Variants in NFATC3 observed in about 807,000 individuals in gnomAD.
NFATC3 encodes the protein nuclear factor of activated T cells 3, also known as nuclear factor of activated T-cells, cytoplasmic 3.
Under a neutral mutation model 98.6 loss-of-function variants are expected in NFATC3, and 46 were observed. The ratio of observed to expected loss-of-function variants is 0.47; its 90% confidence interval spans 0.37 to 0.60. NFATC3 has a LOEUF of 0.60. Among genes scored for constraint, NFATC3 ranks in the 20% least tolerant of loss-of-function variants. The pLI is 0.00. For missense variants in NFATC3, 1,256 were observed against 1,295.5 expected (o/e 0.97, Z 0.47); for synonymous variants, 512 against 472.2 (o/e 1.08, Z -1.09).
chr16:68,085,451 G>A lies in NFATC3; in HGVS notation c.-231G>A, dbSNP rs998001098. On this transcript the variant is annotated 5_prime_UTR_variant, in exon 1 of 10. Transcript: ENST00000346183. ...GAACATTGGCTAAGCCGACAGTGGA[G>A]GCTTAGGCACCGGTGGCGGGCGGCT... The A allele has an allele frequency of 1.4e-5, 6 of 424,476 alleles. No individual in the cohort carries two copies. The highest frequency in any genetic ancestry group is 4.2e-6 in the Non-Finnish European group (1 of 237,698). 26.3% of individuals were successfully genotyped at this position (424,476 alleles called of 1,614,324 possible). A position where few individuals can be genotyped will look rare whatever the true frequency, so the allele number is the denominator to read the frequency against.
At chr16:68,142,655 G>C (rs1044197632) in intron 3 of NFATC3, among the ~76,000 whole-genome samples, 2 of 152,010 alleles carry the variant, frequency 1.3e-5, no homozygotes, top group African/African-American at 4.8e-5. Context: ...CTACTTGGGA[G>C]GCTGAGGCAT....
At chr16:68,088,904 T>C (rs1366740984) in intron 1 of NFATC3, 2 of 861,434 alleles carry the variant, frequency 2.3e-6, no homozygotes, top group African/African-American at 3.7e-5. Context: ...ACTCCTGGGC[T>C]CTCCTGTTCT....
intron 3 of NFATC3, among the ~76,000 whole-genome samples, chr16:68,132,841 G>A (rs148386815): frequency 9.2e-5 from 14 of 152,254 alleles, no homozygotes; most frequent in South Asian, 8.3e-4. Flanking sequence ...TAGAATTTTC[G>A]TTATCAGAGG....
chr16:68,174,353 CT>C lies in NFATC3; in HGVS notation c.1775-18del, dbSNP rs753872217. The stretch of plus-strand genomic sequence containing the variant: ...ACTAATATTTTGTTTTTTCTCAACT[CT>C]TTAAAAAAATTTAAAACAGCCCAGC... On this transcript the variant is annotated intron_variant, in intron 5 of 9. Coordinates refer to ENST00000346183, the MANE Select transcript of NFATC3 (RefSeq NM_173165.3). The C allele has an allele frequency of 2.9e-6, 4 of 1,376,044 alleles. No individual in the cohort carries two copies. The highest frequency in any genetic ancestry group is 3.8e-6 in the Non-Finnish European group (4 of 1,054,780). 85.2% of individuals were successfully genotyped at this position (1,376,044 alleles called of 1,614,324 possible). A position where few individuals can be genotyped will look rare whatever the true frequency, so the allele number is the denominator to read the frequency against.
intron 1 of NFATC3, among the ~76,000 whole-genome samples, chr16:68,117,876 T>G (rs1051712821): frequency 6.6e-6 from 1 of 152,198 alleles, no homozygotes; most frequent in Non-Finnish European, 1.5e-5. Context: ...ACTTACTTGG[T>G]AGGTACTGGA....
intron 3 of NFATC3, among the ~76,000 whole-genome samples, chr16:68,155,349 A>G (rs1036804688): frequency 2.6e-5 from 4 of 152,218 alleles, no homozygotes; most frequent in Non-Finnish European, 4.4e-5. Context: ...GTCATTTACA[A>G]AGACTGAAGT....
At chr16:68,144,404 C>T (rs2037923756) in intron 3 of NFATC3, among the ~76,000 whole-genome samples, 1 of 152,056 alleles carries the variant, frequency 6.6e-6, no homozygotes, top group Non-Finnish European at 1.5e-5. Context: ...CCCTTATGCC[C>T]CACCAATCTC....
intron 1 of NFATC3, among the ~76,000 whole-genome samples, chr16:68,096,113 A>G (rs1171547368): frequency 6.6e-6 from 1 of 152,138 alleles, no homozygotes; most frequent in African/African-American, 2.4e-5. Flanking sequence ...GGTGCTTGCC[A>G]CCATGCCCAG....
chr16:68,127,523 C>CA (rs918496294), intron 3 of NFATC3, among the ~76,000 whole-genome samples: 2 of 151,536 alleles, frequency 1.3e-5, no homozygotes, highest in African/African-American at 4.9e-5. Flanking sequence ...CAAGCCTCTA[C>CA]AAAAAAATAC....
chr16:68,126,212 T>G (rs2036829852), intron 2 of NFATC3, among the ~76,000 whole-genome samples: 1 of 152,240 alleles, frequency 6.6e-6, no homozygotes. Context: ...AATTTATTTA[T>G]CTTTAAGCAT....
intron 4 of NFATC3, among the ~76,000 whole-genome samples, chr16:68,160,085 A>G (rs1171951339): frequency 6.6e-6 from 1 of 152,106 alleles, no homozygotes; most frequent in Non-Finnish European, 1.5e-5. Context: ...AGAAACCCCA[A>G]AAAATCAGAT....
intron 3 of NFATC3, among the ~76,000 whole-genome samples, chr16:68,155,915 T>C (rs1192268136): frequency 2.0e-5 from 3 of 152,130 alleles, no homozygotes; most frequent in African/African-American, 4.8e-5. Context: ...AAAGATACTT[T>C]AGAATTACTA....
At chr16:68,218,877 G>T (rs911012010) in intron 9 of NFATC3, among the ~76,000 whole-genome samples, 21 of 151,650 alleles carry the variant, frequency 1.4e-4, no homozygotes, top group African/African-American at 4.8e-4. Flanking sequence ...CGGCCTAGAT[G>T]GTGCTTTTAT....
intron 2 of NFATC3, among the ~76,000 whole-genome samples, chr16:68,124,860 C>T (rs1339429782): frequency 6.6e-6 from 1 of 152,162 alleles, no homozygotes; most frequent in African/African-American, 2.4e-5. Context: ...TCCCGAGTAG[C>T]TGGGATTCCA....
intron 3 of NFATC3, among the ~76,000 whole-genome samples, chr16:68,134,242 A>G (rs1054463773): frequency 2.0e-5 from 3 of 152,032 alleles, no homozygotes; most frequent in African/African-American, 7.3e-5. Flanking sequence ...ACCCATTGCA[A>G]CCTCAAACTC....
At chr16:68,102,816 A>G (rs1326571354) in intron 1 of NFATC3, among the ~76,000 whole-genome samples, 2 of 152,202 alleles carry the variant, frequency 1.3e-5, no homozygotes, top group African/African-American at 4.8e-5. Context: ...CATTGCCACT[A>G]GTAATATATG....
At chr16:68,147,899 C>T (rs908330113) in intron 3 of NFATC3, among the ~76,000 whole-genome samples, 3 of 151,904 alleles carry the variant, frequency 2.0e-5, no homozygotes, top group African/African-American at 7.3e-5. Context: ...CCCCATCTGC[C>T]GCCAGATAAA....
intron 6 of NFATC3, among the ~76,000 whole-genome samples, chr16:68,176,852 T>C (rs911177931): frequency 2.0e-5 from 3 of 152,158 alleles, no homozygotes; most frequent in Non-Finnish European, 2.9e-5. Flanking sequence ...TGTTGAGTAC[T>C]CTCATGTTCC....
At chr16:68,185,265 C>A (rs2040136216) in intron 8 of NFATC3, among the ~76,000 whole-genome samples, 1 of 152,176 alleles carries the variant, frequency 6.6e-6, no homozygotes, top group Admixed American at 6.5e-5. Flanking sequence ...GTGTGAGCCA[C>A]CGCGCCTGGC....
Sources: gnomAD v4.1 joint callset for allele counts (sites outside exome capture counted in the v4.1 genomes callset) on GRCh38, gnomAD v4.1.1 for gene constraint, MANE v1.5 for transcripts, NCBI Gene and HGNC (gene_info 2026-07-23, HGNC 2026-07-21) for gene names.